The following SLC12A4 variants were observed in gnomAD, a reference collection of about 807,000 sequenced individuals.
The protein encoded by SLC12A4 is electroneutral potassium-chloride cotransporter 1.
In SLC12A4, 84 loss-of-function variants were observed where a neutral mutation model predicts 119.2. That is an observed-to-expected ratio of 0.70 (90% confidence interval 0.59 to 0.85). SLC12A4 has a LOEUF of 0.85. Among genes scored for constraint, SLC12A4 ranks in the 40% least tolerant of loss-of-function variants. The pLI is 0.00. For synonymous variants in SLC12A4, 599 were observed against 604.6 expected (o/e 0.99, Z 0.14); for missense variants, 1,298 against 1,476.3 (o/e 0.88, Z 1.98).
Position 67,944,426 on chromosome 16 carries a change from G to A in SLC12A4, c.*414C>T, listed in dbSNP as rs1351898983. On this transcript the variant is annotated 3_prime_UTR_variant, in exon 24 of 24. Coordinates refer to ENST00000316341, the MANE Select transcript of SLC12A4 (RefSeq NM_005072.5). This position sits in a 1 kb window ranked among gnomAD's most constrained non-coding sequence, Gnocchi z 6.6. Reference sequence around the variant, plus strand: ...GGGGGCCCTGCCCATAGTAGACTGAGCCAGATCTTCCTGCAGGCAGCTGGG... The same window carrying A: ...GGGGGCCCTGCCCATAGTAGACTGAACCAGATCTTCCTGCAGGCAGCTGGG... 2.4e-6 allele frequency: 3 copies of A among 1,271,438 alleles called. No individual in the cohort carries two copies. The highest frequency in any genetic ancestry group is 3.0e-6 in the Non-Finnish European group (3 of 1,007,774). The allele number at this position is 1,271,438 out of a possible 1,614,324, so 78.8% of individuals were successfully genotyped here.
At chr16:67,954,437 C>A (rs768716106) in intron 6 of SLC12A4, among the ~76,000 whole-genome samples, 6 of 152,212 alleles carry the variant, frequency 3.9e-5, no homozygotes, top group Non-Finnish European at 7.4e-5. Flanking sequence ...GGCAGCCAGG[C>A]CTCTGCCTTG....
chr16:67,960,159 C>T (rs770345021), intron 3 of SLC12A4, among the ~76,000 whole-genome samples: 5 of 152,240 alleles, frequency 3.3e-5, no homozygotes, highest in Non-Finnish European at 2.9e-5. Context: ...ATCCCTCCCA[C>T]ATTCCTGCTG....
At position 67,961,648 on chromosome 16, in the gene SLC12A4, G is replaced by A. The variant is rs2030581549; in HGVS notation, c.269C>T (p.Thr90Ile). 2.5e-6 allele frequency: 4 copies of A among 1,614,194 alleles called. No individual in the cohort carries two copies. The highest frequency in any genetic ancestry group is 3.4e-6 in the Non-Finnish European group (4 of 1,180,020). Residue 90 changes from threonine to isoleucine, a missense_variant, in exon 3 of 24, where the codon ACC becomes ATC. Physicochemically the swap from Thr to Ile is moderately conservative, Grantham distance 89. Transcript: ENST00000316341. ...CTCTTTGGCGCCCTGGGTGAGGTTG[G>A]TGTAGCTGACGAGCTTTCCCAGAAG... is the stretch of plus-strand genomic sequence containing the variant. The part of the protein sequence containing the change: ...SSLLGKLVSY[T>I]NLTQGAKEHE...
intron 1 of SLC12A4, 24 bp from the exon 2 acceptor site, chr16:67,963,583 G>A (rs2030699835): frequency 6.6e-7 from 1 of 1,516,282 alleles, no homozygotes; most frequent in Non-Finnish European, 8.9e-7. Flanking sequence ...GGGACAATCA[G>A]GGCCTGCTTC....
intron 3 of SLC12A4, among the ~76,000 whole-genome samples, chr16:67,961,037 C>T (rs946712579): frequency 6.6e-6 from 1 of 151,810 alleles, no homozygotes; most frequent in African/African-American, 2.4e-5. Context: ...GTTCCTGGCT[C>T]CAAGGGCAAC....
At position 67,951,414 on chromosome 16, in the gene SLC12A4, A is replaced by G. The variant is rs560118031; in HGVS notation, c.1133-110T>C. ...GGGCAACTTTGGGGACTCAGGGAACAGCTTCAGCCCAATGACTGCAGCGTC... is the reference window on the plus strand; with the variant it reads ...GGGCAACTTTGGGGACTCAGGGAACGGCTTCAGCCCAATGACTGCAGCGTC... On this transcript the variant is annotated intron_variant, in intron 8 of 23. Coordinates refer to ENST00000316341, the MANE Select transcript of SLC12A4 (RefSeq NM_005072.5). This position sits in a 1 kb window ranked among gnomAD's most constrained non-coding sequence, Gnocchi z 5.2. 47 of 1,249,948 alleles carry G rather than the reference A, an allele frequency of 3.8e-5. No homozygotes were observed. In the East Asian group the frequency reaches 1.1e-3, roughly 30 times the overall value. 77.4% of individuals were successfully genotyped at this position (1,249,948 alleles called of 1,614,324 possible).
chr16:67,968,381 G>A, intron 1 of SLC12A4, 58 bp downstream of exon 1: 12 of 1,449,438 alleles, frequency 8.3e-6, no homozygotes, highest in African/African-American at 1.5e-5. Flanking sequence ...GCCCGGGATG[G>A]CGGCCCCGGG....
Position 67,951,081 on chromosome 16 carries a change from C to T in SLC12A4, c.1298-21G>A. Reference sequence around the variant, plus strand: ...GATGCCTCCAAAAACAGATGAGACTCCCTCAGGGGCTCCCCGGGATTGGGG... The same window carrying T: ...GATGCCTCCAAAAACAGATGAGACTTCCTCAGGGGCTCCCCGGGATTGGGG... On this transcript the variant is annotated intron_variant, in intron 9 of 23. Transcript: ENST00000316341. This position sits in a 1 kb window ranked among gnomAD's most constrained non-coding sequence, Gnocchi z 5.2. The T allele has an allele frequency of 6.2e-7, 1 of 1,613,938 alleles. No individual in the cohort carries two copies. Among genetic ancestry groups the T allele is most frequent in the South Asian group, 1.1e-5 (1 of 91,076 alleles).
In SLC12A4 at chr16:67,951,850, G is replaced by C. The variant is rs1354581114; in HGVS notation, c.1105C>G (p.Pro369Ala). 1.9e-6 allele frequency: 3 copies of C among 1,613,356 alleles called. No individual in the cohort carries two copies. The African/African-American group carries it at 4.0e-5, about 22-fold the overall frequency. The change falls in exon 8 of 24, where the codon CCC becomes GCC. Residue 369 changes from proline to alanine, a missense_variant. Transcript: ENST00000316341. This position sits in a 1 kb window ranked among gnomAD's most constrained non-coding sequence, Gnocchi z 5.2. ...LNNVTEIPGI[P>A]GAAAGVLQEN... ...TGGAGCACACCAGCAGCTGCCCCGG[G>C]GATGCCAGGGATCTCGGTCACATTG...
chr16:67,967,872 G>C (rs1028211179), intron 1 of SLC12A4, among the ~76,000 whole-genome samples: 5 of 151,576 alleles, frequency 3.3e-5, no homozygotes, highest in African/African-American at 1.2e-4. Context: ...CCATGTGAGT[G>C]CTTCACTGAG....
rs1215564338 is a variant in SLC12A4 at position 67,957,976 on chromosome 16, G to T, written c.411C>A (p.Leu137=). Residue 137 remains leucine, a synonymous_variant, in exon 4 of 24, where the codon CTC becomes CTA. Transcript: ENST00000316341. ...CCACCATCCAGGTCAGCCGCAGGAA[G>T]AGGATAACCCCAAAGATATTCTGCA... ...PCLQNIFGVI[L]FLRLTWMVGT... 4.3e-6 allele frequency: 7 copies of T among 1,614,114 alleles called. No individual in the cohort carries two copies. The highest frequency in any genetic ancestry group is 5.9e-6 in the Non-Finnish European group (7 of 1,180,042).
intron 1 of SLC12A4, 92 bp downstream of exon 1, chr16:67,968,347 G>A (rs963687948): frequency 8.3e-5 from 99 of 1,185,792 alleles, no homozygotes; most frequent in Non-Finnish European, 1.1e-4. Context: ...TGCGCGCAAG[G>A]TCCCGGGATA....
chr16:67,965,420 A>G (rs1429716331), intron 1 of SLC12A4, among the ~76,000 whole-genome samples: 2 of 152,192 alleles, frequency 1.3e-5, no homozygotes, highest in African/African-American at 4.8e-5. Flanking sequence ...GGAATCTCCA[A>G]GCTAAATTTA....
At chr16:67,960,132 C>T (rs1451763015) in intron 3 of SLC12A4, among the ~76,000 whole-genome samples, 4 of 152,242 alleles carry the variant, frequency 2.6e-5, no homozygotes, top group African/African-American at 9.6e-5. Flanking sequence ...GGATGATGGG[C>T]TCTCTCTGGC....
chr16:67,950,396 C>G lies in SLC12A4; in HGVS notation c.1552G>C (p.Ala518Pro). The G allele has an allele frequency of 6.2e-7, 1 of 1,613,988 alleles. No homozygotes were observed. The highest frequency in any genetic ancestry group is 8.5e-7 in the Non-Finnish European group (1 of 1,179,996). ...GCCCCTGTGAGGCTCTGGAGGCCAGCGCCACACGTTGAAAAGAAGGAGCCG... is the reference window on the plus strand; with the variant it reads ...GCCCCTGTGAGGCTCTGGAGGCCAGGGCCACACGTTGAAAAGAAGGAGCCG... ...VIGSFFSTCG[A>P]GLQSLTGAPR... The change falls in exon 12 of 24, where the codon GCT becomes CCT. Residue 518 changes from alanine to proline, a missense_variant. Transcript: ENST00000316341. The surrounding 1 kb of genome is among the most constrained non-coding windows in gnomAD (Gnocchi z 4.3).
Position 67,945,115 on chromosome 16 carries a change from T to C in SLC12A4, c.3138A>G (p.Pro1046=). The C allele has an allele frequency of 6.3e-7, 1 of 1,592,872 alleles. No individual in the cohort carries two copies. The highest frequency in any genetic ancestry group is 8.6e-7 in the Non-Finnish European group (1 of 1,168,170). ...TCTCGTCGCCCTCACTGTTCCTGGG[T>C]GGGCCAGGCATGTTTAGGAGAACCA... ...ARLVLLNMPG[P]PRNSEGDENY... The change falls in exon 23 of 24, where the codon CCA becomes CCG. Residue 1046 remains proline, a synonymous_variant. Coordinates refer to ENST00000316341, the MANE Select transcript of SLC12A4 (RefSeq NM_005072.5).
Position 67,943,880 on chromosome 16 carries a change from T to C in SLC12A4, c.*960A>G. ...GCAGAAGGGCTTTGGCCAGGTCAGCTGCCAGGGGCTGGGGCCCAGGCTCCC... is the reference window on the plus strand; with the variant it reads ...GCAGAAGGGCTTTGGCCAGGTCAGCCGCCAGGGGCTGGGGCCCAGGCTCCC... On this transcript the variant is annotated 3_prime_UTR_variant, in exon 24 of 24. Transcript: ENST00000316341. The surrounding 1 kb of genome is among the most constrained non-coding windows in gnomAD (Gnocchi z 4.6). 1 of 1,426,306 alleles carries C rather than the reference T, an allele frequency of 7.0e-7. No individual in the cohort carries two copies. The highest frequency in any genetic ancestry group is 9.5e-7 in the Non-Finnish European group (1 of 1,057,380). 88.4% of individuals were successfully genotyped at this position (1,426,306 alleles called of 1,614,324 possible).
chr16:67,952,308 C>T lies in SLC12A4; in HGVS notation c.793G>A (p.Val265Met), dbSNP rs751610841. 2.4e-5 allele frequency: 39 copies of T among 1,613,952 alleles called. No homozygotes were observed. The South Asian group carries it at 3.7e-4, about 15-fold the overall frequency. Residue 265 changes from valine (V) to methionine (M), a missense_variant, in exon 7 of 24, where the codon GTG becomes ATG. Transcript: ENST00000316341. ...GTIFLTFMTL[V>M]VFVGVKYVNK... ...ACATACTTGACCCCCACAAACACCA[C>T]CAGGGTCATGAAGGTCAGGAAAATG... is the stretch of plus-strand genomic sequence containing the variant.
At chr16:67,945,692 G>A (rs889254418) in intron 21 of SLC12A4, 72 bp downstream of exon 21, 18 of 1,517,842 alleles carry the variant, frequency 1.2e-5, no homozygotes, top group African/African-American at 1.1e-4. Context: ...TGATTCCTCC[G>A]CACCCACCGA....
Sources: gnomAD v4.1 joint callset for allele counts (sites outside exome capture counted in the v4.1 genomes callset) on GRCh38, gnomAD v4.1.1 for gene constraint, Gnocchi (gnomAD v3.1) non-coding constraint, MANE v1.5 for transcripts, NCBI Gene and HGNC (gene_info 2026-07-23, HGNC 2026-07-21) for gene names.